The following C10orf67 variants were observed in gnomAD, a reference collection of about 807,000 sequenced individuals.
C10orf67 encodes the protein uncharacterized protein C10orf67, mitochondrial.
In C10orf67, 60 loss-of-function variants were observed where a neutral mutation model predicts 35.6. That is an observed-to-expected ratio of 1.68 (90% CI 1.37 to 2.09). The LOEUF is 2.09. Among genes scored for constraint, C10orf67 ranks in the 30% most tolerant of loss-of-function variants. C10orf67 has a pLI of 0.00. For synonymous variants in C10orf67, 167 were observed against 115.8 expected (o/e 1.44, Z -2.84); for missense variants, 474 against 330.2 (o/e 1.44, Z -3.38).
chr10:23,321,981 T>C (rs996509455), intron 3 of C10orf67, among the ~76,000 whole-genome samples: 1 of 152,080 alleles, frequency 6.6e-6, no homozygotes, highest in Non-Finnish European at 1.5e-5. Context: ...AAAGACAGGG[T>C]CTCACGATGT....
intron 8 of C10orf67, among the ~76,000 whole-genome samples, chr10:23,271,388 C>T (rs1019461083): frequency 3.9e-5 from 6 of 152,176 alleles, no homozygotes; most frequent in African/African-American, 1.4e-4. Flanking sequence ...ATTTGTGACC[C>T]AAGACTTTGT....
chr10:23,294,556 C>A (rs961824294), intron 5 of C10orf67, among the ~76,000 whole-genome samples: 4 of 152,182 alleles, frequency 2.6e-5, no homozygotes, highest in Admixed American at 6.5e-5. Flanking sequence ...CTGAACATTT[C>A]ATCCCTTGAA....
At chr10:23,322,942 G>C (rs762103692) in intron 2 of C10orf67, among the ~76,000 whole-genome samples, 29 of 152,046 alleles carry the variant, frequency 1.9e-4, no homozygotes, top group Non-Finnish European at 4.0e-4. Flanking sequence ...TCTGGTTCTG[G>C]ACATATAAGC....
intron 10 of C10orf67, among the ~76,000 whole-genome samples, chr10:23,252,252 C>T (rs1029657659): frequency 6.6e-5 from 10 of 152,160 alleles, no homozygotes; most frequent in African/African-American, 2.4e-4. Flanking sequence ...ATTCAGCCTG[C>T]CTATTGCCTT....
At chr10:23,212,778 T>A (rs1278717644) in intron 15 of C10orf67, among the ~76,000 whole-genome samples, 1 of 101,082 alleles carries the variant, frequency 9.9e-6, no homozygotes, top group Non-Finnish European at 2.0e-5. Context: ...AATATTGTAT[T>A]GAGAGAGAGA....
chr10:23,300,285 C>A (rs1844028291), intron 5 of C10orf67, among the ~76,000 whole-genome samples: 1 of 152,174 alleles, frequency 6.6e-6, no homozygotes. Flanking sequence ...GCACTGGAAG[C>A]AAGCCCTATT....
At chr10:23,297,407 T>G (rs756500448) in intron 5 of C10orf67, among the ~76,000 whole-genome samples, 2 of 152,232 alleles carry the variant, frequency 1.3e-5, no homozygotes, top group Non-Finnish European at 2.9e-5. Context: ...TATTGCTGCA[T>G]GGGCATGGAG....
At chr10:23,332,192 T>C (rs1845512169) in intron 2 of C10orf67, among the ~76,000 whole-genome samples, 1 of 152,216 alleles carries the variant, frequency 6.6e-6, no homozygotes. Context: ...GATGCACATT[T>C]TGTGATGTAA....
chr10:23,220,182 A>T (rs899957160), intron 15 of C10orf67, among the ~76,000 whole-genome samples: 17 of 152,066 alleles, frequency 1.1e-4, no homozygotes, highest in Non-Finnish European at 2.5e-4. Flanking sequence ...AAGAAAAAAA[A>T]AAGCAGTAGA....
rs536944151 is a variant in C10orf67, at chr10:23,288,012, C to T, written c.909+1888G>A. Among the ~76,000 whole-genome samples, 12 of 152,254 alleles carry T rather than the reference C, an allele frequency of 7.9e-5. No individual in the cohort carries two copies. In the Middle Eastern group the frequency reaches 0.017, roughly 216 times the overall value. On this transcript the variant is annotated intron_variant, in intron 7 of 15. Transcript: ENST00000636213. ...GCAGAGAAATAGGAACACTTTTACA[C>T]GTTAGTGGGAATGCAAATTAGTTCA...
intron 13 of C10orf67, among the ~76,000 whole-genome samples, chr10:23,229,420 C>A (rs903165016): frequency 1.9e-4 from 23 of 120,638 alleles, no homozygotes; most frequent in Non-Finnish European, 3.0e-4. Context: ...ACATCATACA[C>A]CGAGGCCTGT....
intron 10 of C10orf67, among the ~76,000 whole-genome samples, chr10:23,256,239 C>A (rs1244161309): frequency 6.6e-6 from 1 of 152,072 alleles, no homozygotes; most frequent in African/African-American, 2.4e-5. Context: ...TGGGCTCAAG[C>A]AATCCTCCTG....
chr10:23,238,606 T>C (rs1045037401), intron 13 of C10orf67, among the ~76,000 whole-genome samples: 1 of 152,216 alleles, frequency 6.6e-6, no homozygotes, highest in African/African-American at 2.4e-5. Flanking sequence ...AATTCAAATT[T>C]GGACTAGAAA....
At chr10:23,344,036 C>A (rs541095910) in intron 1 of C10orf67, 9 of 380,044 alleles carry the variant, frequency 2.4e-5, no homozygotes, top group African/African-American at 6.5e-5. Context: ...CGGAGCCGCT[C>A]GCTCTCCTGA....
chr10:23,239,867 A>C, intron 12 of C10orf67, 51 bp from the exon 13 acceptor site: 1 of 557,878 alleles, frequency 1.8e-6, no homozygotes, highest in Non-Finnish European at 3.5e-6. Context: ...TCATAGCATA[A>C]AGCAAATAAG....
intron 1 of C10orf67, among the ~76,000 whole-genome samples, chr10:23,343,294 A>T (rs996226677): frequency 2.0e-5 from 3 of 152,128 alleles, no homozygotes; most frequent in African/African-American, 4.8e-5. Context: ...GTGCCCTTCT[A>T]AAAGCAGGGT....
chr10:23,339,856 A>G (rs1328338159), intron 1 of C10orf67, among the ~76,000 whole-genome samples: 3 of 152,334 alleles, frequency 2.0e-5, no homozygotes, highest in South Asian at 2.1e-4. Context: ...CTGGACCCTG[A>G]GTGCTACATC....
chr10:23,246,560 A>C (rs141136321), intron 12 of C10orf67, among the ~76,000 whole-genome samples: 1 of 152,328 alleles, frequency 6.6e-6, no homozygotes, highest in African/African-American at 2.4e-5. Flanking sequence ...AAAAAGGGAC[A>C]TCACCAGATC....
At chr10:23,333,308 G>A in intron 1 of C10orf67, 126 bp from the exon 2 acceptor site, 2 of 784,528 alleles carry the variant, frequency 2.5e-6, no homozygotes. Context: ...GTGAGGTGAG[G>A]AAGCCTCTGA....
Sources: gnomAD v4.1 joint callset for allele counts (sites outside exome capture counted in the v4.1 genomes callset) on GRCh38, gnomAD v4.1.1 for gene constraint, MANE v1.5 for transcripts, NCBI Gene and HGNC (gene_info 2026-07-23, HGNC 2026-07-21) for gene names.